The following SH3BGR variants were observed in gnomAD, a reference collection of about 807,000 sequenced individuals.
SH3BGR encodes SH3 domain binding glutamate rich protein, also known as SH3 domain-binding glutamic acid-rich protein.
SH3BGR carries 29 observed loss-of-function variants against 24.5 expected under a neutral mutation model. The observed-to-expected ratio is 1.18, with a 90% CI of 0.88 to 1.61. The LOEUF (loss-of-function observed/expected upper bound fraction) is 1.61. Among genes scored for constraint, SH3BGR ranks in the 40% most tolerant of loss-of-function variants. The pLI is 0.00. For missense variants in SH3BGR, 162 were observed against 205.8 expected (o/e 0.79, Z 1.30); for synonymous variants, 55 against 65.7 (o/e 0.84, Z 0.79).
chr21:39,510,365 TAC>T (rs34333255), intron 5 of SH3BGR, among the ~76,000 whole-genome samples: 3,251 of 115,586 alleles, frequency 0.028, 190 homozygotes, highest in African/African-American at 0.093. Context: ...TGTAGCTACA[TAC>T]ACACACACAC....
intron 4 of SH3BGR, among the ~76,000 whole-genome samples, chr21:39,501,243 G>C (rs2078489173): frequency 6.6e-6 from 1 of 152,140 alleles, no homozygotes; most frequent in African/African-American, 2.4e-5. Flanking sequence ...TTACACCCCA[G>C]CCCCTTTCTC....
chr21:39,462,524 G>A lies in SH3BGR; in HGVS notation c.195G>A (p.Leu65=), dbSNP rs1302702771. 1.9e-6 allele frequency: 3 copies of A among 1,603,658 alleles called. No individual in the cohort carries two copies. Among genetic ancestry groups the A allele is most frequent in the Non-Finnish European group, 2.5e-6 (3 of 1,177,794 alleles). ...AAAAACCTCAAAATGGGATTCCTTT[G>A]CCTCCCCAGATCTTCAATGAGGAGC... ...GEKKPQNGIP[L]PPQIFNEEQY... Residue 65 remains leucine (L), a synonymous_variant, in exon 2 of 7, where the codon TTG becomes TTA. Transcript: ENST00000333634.
chr21:39,446,175 T>G (rs1325836104), intron 1 of SH3BGR: 1 of 152,074 alleles, frequency 6.6e-6, no homozygotes, highest in East Asian at 1.9e-4. Flanking sequence ...CGATTTTTTT[T>G]TTTTTTTTGT....
At chr21:39,506,724 G>A (rs1326280520) in intron 4 of SH3BGR, among the ~76,000 whole-genome samples, 1 of 152,138 alleles carries the variant, frequency 6.6e-6, no homozygotes, top group Admixed American at 6.5e-5. Context: ...CTTGACACGT[G>A]GTGATGATTG....
chr21:39,479,241 G>A (rs865867660), intron 3 of SH3BGR, among the ~76,000 whole-genome samples: 1,735 of 147,578 alleles, frequency 0.012, 30 homozygotes, highest in African/African-American at 0.04. Context: ...GGTGGTGGTG[G>A]TGGTGGTGGT....
At chr21:39,476,147 TG>T (rs1421646721) in intron 3 of SH3BGR, among the ~76,000 whole-genome samples, 2 of 152,146 alleles carry the variant, frequency 1.3e-5, no homozygotes, top group African/African-American at 4.8e-5. Context: ...AGTTTAAAGT[TG>T]CCTGGAAGAT....
rs558284947 is a variant in SH3BGR, at chr21:39,461,914, T to A, written c.46-461T>A. On this transcript the variant is annotated intron_variant, in intron 1 of 6. Coordinates refer to ENST00000333634, the MANE Select transcript of SH3BGR (RefSeq NM_007341.3). ...CCCAGGCTGGATTGCAGTGGCATGA[T>A]CTCGGCTCACTGCAACCTCCACCTC... 3.9e-4 allele frequency among the ~76,000 whole-genome samples: 60 copies of A among 152,254 alleles called. No homozygotes were observed. In the South Asian group the frequency reaches 5.0e-3, roughly 13 times the overall value.
chr21:39,513,149 AG>A (rs1232520480), intron 6 of SH3BGR, among the ~76,000 whole-genome samples: 12 of 152,214 alleles, frequency 7.9e-5, no homozygotes, highest in African/African-American at 2.9e-4. Context: ...TTATCAAACC[AG>A]TAAGAATTAC....
intron 1 of SH3BGR, among the ~76,000 whole-genome samples, chr21:39,457,453 G>T (rs1287612643): frequency 1.5e-5 from 2 of 131,642 alleles, no homozygotes; most frequent in Middle Eastern, 4.5e-3. Flanking sequence ...TAAATCTTAT[G>T]TATAAGATTA....
intron 2 of SH3BGR, among the ~76,000 whole-genome samples, chr21:39,463,941 G>A (rs1368949029): frequency 1.3e-5 from 2 of 152,192 alleles, no homozygotes; most frequent in Non-Finnish European, 2.9e-5. Flanking sequence ...CTGGAAGTTC[G>A]AAATCAAGAT....
chr21:39,476,640 C>A (rs1429399705), intron 3 of SH3BGR, among the ~76,000 whole-genome samples: 1 of 152,118 alleles, frequency 6.6e-6, no homozygotes, highest in East Asian at 1.9e-4. Flanking sequence ...GAAAGTTCCC[C>A]CATCTCTGTT....
intron 3 of SH3BGR, among the ~76,000 whole-genome samples, chr21:39,487,698 G>T (rs2078233373): frequency 6.6e-6 from 1 of 152,200 alleles, no homozygotes; most frequent in South Asian, 2.1e-4. Flanking sequence ...ATAAGGCAGG[G>T]ATAATATATC....
chr21:39,480,090 T>C (rs956051680), intron 3 of SH3BGR, among the ~76,000 whole-genome samples: 1 of 152,236 alleles, frequency 6.6e-6, no homozygotes, highest in Non-Finnish European at 1.5e-5. Context: ...CATTAATTTC[T>C]TTCCATATGT....
intron 2 of SH3BGR, among the ~76,000 whole-genome samples, chr21:39,466,981 T>C (rs2077854003): frequency 6.6e-6 from 1 of 152,236 alleles, no homozygotes; most frequent in African/African-American, 2.4e-5. Flanking sequence ...ATTCCTGAAT[T>C]CAGATTTTTG....
intron 3 of SH3BGR, among the ~76,000 whole-genome samples, chr21:39,478,630 C>T (rs1000883856): frequency 6.6e-6 from 1 of 152,112 alleles, no homozygotes; most frequent in African/African-American, 2.4e-5. Context: ...TTTTCACTTT[C>T]TTTTCTTTTT....
intron 2 of SH3BGR, among the ~76,000 whole-genome samples, chr21:39,463,401 T>C (rs908576632): frequency 6.6e-5 from 10 of 152,200 alleles, no homozygotes; most frequent in African/African-American, 2.4e-4. Flanking sequence ...TGGAAAGAAA[T>C]ATTTTTAAAA....
At chr21:39,452,301 T>G (rs2077587896) in intron 1 of SH3BGR, 160 bp downstream of exon 1, 5 of 345,072 alleles carry the variant, frequency 1.4e-5, no homozygotes, top group Non-Finnish European at 2.0e-5. Context: ...GATTTCATAG[T>G]GTTGAAAAAG....
chr21:39,454,056 G>A (rs1432541797), intron 1 of SH3BGR, among the ~76,000 whole-genome samples: 1 of 152,186 alleles, frequency 6.6e-6, no homozygotes, highest in African/African-American at 2.4e-5. Context: ...TGATCAGTAT[G>A]TGTGAGAAGA....
chr21:39,466,727 AG>A (rs935684775), intron 2 of SH3BGR, among the ~76,000 whole-genome samples: 61 of 152,332 alleles, frequency 4.0e-4, no homozygotes, highest in African/African-American at 1.3e-3. Context: ...GAACAGCATG[AG>A]GGAACCACTC....
Sources: gnomAD v4.1 joint callset for allele counts (sites outside exome capture counted in the v4.1 genomes callset) on GRCh38, gnomAD v4.1.1 for gene constraint, MANE v1.5 for transcripts, NCBI Gene and HGNC (gene_info 2026-07-23, HGNC 2026-07-21) for gene names.